GRIK3: variants seen among roughly 807,000 people sequenced by gnomAD.
GRIK3 encodes glutamate receptor ionotropic, kainate 3.
In GRIK3, 29 loss-of-function variants were observed where a neutral mutation model predicts 102.5. The observed-to-expected ratio is 0.28, with a 90% confidence interval of 0.21 to 0.39. GRIK3 has a LOEUF of 0.39. Among genes scored for constraint, GRIK3 ranks in the 10% least tolerant of loss-of-function variants. The pLI, the probability that GRIK3 is intolerant of heterozygous loss-of-function variation, is 1.00. For synonymous variants in GRIK3, 511 were observed against 504.9 expected (o/e 1.01, Z -0.16); for missense variants, 908 against 1,252.4 (o/e 0.73, Z 4.15).
At chr1:37,031,034 G>A (rs1330462151) in intron 1 of GRIK3, among the ~76,000 whole-genome samples, 8 of 152,152 alleles carry the variant, frequency 5.3e-5, no homozygotes, top group African/African-American at 1.2e-4. Context: ...AGGTCCCCAC[G>A]GGAGGTCACT....
chr1:36,990,640 ATTCTAT>A (rs1642354798), intron 1 of GRIK3, among the ~76,000 whole-genome samples: 1 of 152,182 alleles, frequency 6.6e-6, no homozygotes, highest in South Asian at 2.1e-4. Context: ...AATAAAACTT[ATTCTAT>A]TTCTGATGAC....
intron 9 of GRIK3, among the ~76,000 whole-genome samples, chr1:36,845,176 G>A (rs534385946): frequency 1.1e-4 from 17 of 152,180 alleles, no homozygotes; most frequent in East Asian, 3.9e-4. Context: ...TCTGAACTCC[G>A]CCAACTACTT....
intron 7 of GRIK3, among the ~76,000 whole-genome samples, chr1:36,857,733 C>T (rs1640668923): frequency 6.6e-6 from 1 of 152,218 alleles, no homozygotes; most frequent in East Asian, 1.9e-4. Context: ...CTGGAAGCAG[C>T]GATGGTGAAC....
At chr1:36,840,001 C>A (rs1449712455) in intron 10 of GRIK3, among the ~76,000 whole-genome samples, 1 of 152,188 alleles carries the variant, frequency 6.6e-6, no homozygotes, top group African/African-American at 2.4e-5. Flanking sequence ...TAACCTTTGG[C>A]TGATACTCTG....
At chr1:36,874,812 C>T (rs749938797) in intron 3 of GRIK3, among the ~76,000 whole-genome samples, 21 of 152,132 alleles carry the variant, frequency 1.4e-4, no homozygotes, top group African/African-American at 2.9e-4. Flanking sequence ...CCAAGCACAT[C>T]GCCCCATGTA....
chr1:36,992,103 C>T (rs1343828417), intron 1 of GRIK3, among the ~76,000 whole-genome samples: 1 of 152,208 alleles, frequency 6.6e-6, no homozygotes, highest in East Asian at 1.9e-4. Context: ...TCTCCTTGTG[C>T]TCAAATTTAC....
intron 2 of GRIK3, among the ~76,000 whole-genome samples, chr1:36,886,281 C>T (rs1274581045): frequency 2.0e-5 from 3 of 152,174 alleles, no homozygotes; most frequent in Non-Finnish European, 1.5e-5. Context: ...TCCCCTCCCC[C>T]CACAGGGCCC....
At chr1:36,955,703 C>T (rs982671847) in intron 1 of GRIK3, among the ~76,000 whole-genome samples, 1 of 152,242 alleles carries the variant, frequency 6.6e-6, no homozygotes, top group African/African-American at 2.4e-5. Flanking sequence ...CTCAGAAACA[C>T]CCTGGCACAT....
chr1:36,833,421 T>C (rs1004975545), intron 10 of GRIK3, among the ~76,000 whole-genome samples: 6 of 152,176 alleles, frequency 3.9e-5, no homozygotes, highest in Non-Finnish European at 7.3e-5. Flanking sequence ...TGGTGAATCC[T>C]CAGCTCCACA....
chr1:36,991,754 GC>G (rs1642365783), intron 1 of GRIK3, among the ~76,000 whole-genome samples: 1 of 152,246 alleles, frequency 6.6e-6, no homozygotes, highest in South Asian at 2.1e-4. Flanking sequence ...TGAGGGTTCA[GC>G]CAAGGTCCAG....
chr1:37,002,562 TTCA>T (rs1240732236), intron 1 of GRIK3, among the ~76,000 whole-genome samples: 1 of 152,216 alleles, frequency 6.6e-6, no homozygotes, highest in Non-Finnish European at 1.5e-5. Context: ...TAAACTGTGT[TTCA>T]TCATCATGTC....
intron 11 of GRIK3, among the ~76,000 whole-genome samples, chr1:36,822,676 G>A (rs561365742): frequency 1.4e-4 from 22 of 152,250 alleles, no homozygotes; most frequent in African/African-American, 5.1e-4. Flanking sequence ...AGGAGACAGG[G>A]CATCCACTAT....
chr1:36,821,475 G>A (rs2124193645), intron 11 of GRIK3, among the ~76,000 whole-genome samples: 1 of 152,360 alleles, frequency 6.6e-6, no homozygotes. Context: ...TAACTGAGCG[G>A]ATGGACCTGG....
intron 1 of GRIK3, among the ~76,000 whole-genome samples, chr1:36,977,209 T>A (rs542185656): frequency 2.0e-5 from 3 of 152,348 alleles, no homozygotes; most frequent in African/African-American, 7.2e-5. Flanking sequence ...GGGTTAGTAA[T>A]CCTTACTTCA....
rs1557694219 is a variant in GRIK3, at chr1:36,825,841, A to G, written c.1531-15T>C. 3 of 1,576,042 alleles carry G rather than the reference A, an allele frequency of 1.9e-6. No homozygotes were observed. The highest frequency in any genetic ancestry group is 2.3e-5 in the East Asian group (1 of 44,320). Reference sequence around the variant, plus strand: ...AGATCTGCCTTCTGCAACCAGACAGAGAGAGAAAGACAGACTATGAGCAAA... The same window carrying G: ...AGATCTGCCTTCTGCAACCAGACAGGGAGAGAAAGACAGACTATGAGCAAA... On this transcript the variant is annotated splice_polypyrimidine_tract_variant and intron_variant, in intron 10 of 15. Transcript: ENST00000373091.
chr1:36,970,472 C>T (rs1642129420), intron 1 of GRIK3, among the ~76,000 whole-genome samples: 1 of 152,222 alleles, frequency 6.6e-6, no homozygotes, highest in South Asian at 2.1e-4. Flanking sequence ...CACCTCACAT[C>T]CTTTACTCTT....
At chr1:37,023,586 G>A (rs1016961585) in intron 1 of GRIK3, among the ~76,000 whole-genome samples, 3 of 152,162 alleles carry the variant, frequency 2.0e-5, no homozygotes, top group Non-Finnish European at 4.4e-5. Context: ...AAGACCATTT[G>A]AATAAAGCCA....
rs1479618990 is a variant in GRIK3 at position 36,819,535 on chromosome 1, C to T, written c.1873+201G>A. ...TTAGCTTTAGACCCTGAGCCAGCTC[C>T]AGCCAGAGTGAAGGTGGAAGTTAGG... is the stretch of plus-strand genomic sequence containing the variant. On this transcript the variant is annotated intron_variant, in intron 12 of 15. Coordinates refer to ENST00000373091, the MANE Select transcript of GRIK3 (RefSeq NM_000831.4). This position sits in a 1 kb window ranked among gnomAD's most constrained non-coding sequence, Gnocchi z 4.1. Among the ~76,000 whole-genome samples the T allele has an allele frequency of 6.6e-6, 1 of 152,216 alleles. No individual in the cohort carries two copies. Among genetic ancestry groups the T allele is most frequent in the Non-Finnish European group, 1.5e-5 (1 of 68,034 alleles).
At position 36,806,676 on chromosome 1, in the gene GRIK3, T is replaced by G. The variant is rs1228020871; in HGVS notation, c.2092-350A>C. ...CTTTGTTCTAAGTGCTCTACCTGCA[T>G]TAACTCGTTGATTCTTCACAGCGCT... On this transcript the variant is annotated intron_variant, in intron 13 of 15. Transcript: ENST00000373091. The surrounding 1 kb of genome is among the most constrained non-coding windows in gnomAD (Gnocchi z 4.0). Among the ~76,000 whole-genome samples the G allele has an allele frequency of 6.6e-6, 1 of 152,208 alleles. No homozygotes were observed. Among genetic ancestry groups the G allele is most frequent in the East Asian group, 1.9e-4 (1 of 5,204 alleles).
Sources: gnomAD v4.1 joint callset for allele counts (sites outside exome capture counted in the v4.1 genomes callset) on GRCh38, gnomAD v4.1.1 for gene constraint, Gnocchi (gnomAD v3.1) non-coding constraint, MANE v1.5 for transcripts, NCBI Gene and HGNC (gene_info 2026-07-23, HGNC 2026-07-21) for gene names.